Variants in ADGRL2 observed in about 807,000 individuals in gnomAD.
ADGRL2 encodes calcium-independent alpha-latrotoxin receptor 2.
In ADGRL2, 44 loss-of-function variants were observed where a neutral mutation model predicts 157.4. That is an observed-to-expected ratio of 0.28 (90% confidence interval 0.22 to 0.36). The LOEUF (loss-of-function observed/expected upper bound fraction) is 0.36. Among genes scored for constraint, ADGRL2 ranks in the 10% least tolerant of loss-of-function variants. ADGRL2 has a pLI of 1.00. For synonymous variants in ADGRL2, 585 were observed against 624.7 expected (o/e 0.94, Z 0.95); for missense variants, 1,510 against 1,768.9 (o/e 0.85, Z 2.63).
intron 2 of ADGRL2, among the ~76,000 whole-genome samples, chr1:81,552,143 A>G (rs1294364608): frequency 2.0e-5 from 3 of 152,086 alleles, no homozygotes; most frequent in Non-Finnish European, 4.4e-5. Context: ...TCCTCTGTTC[A>G]CTGTTGACTA....
At chr1:81,659,052 ATTTTTTT>A in intron 3 of ADGRL2, among the ~76,000 whole-genome samples, 1 of 60,560 alleles carries the variant, frequency 1.7e-5, no homozygotes, top group South Asian at 6.7e-4. Flanking sequence ...ACACCCAGCA[ATTTTTTT>A]TTTTTTTTTT....
chr1:81,364,120 A>G (rs2076024024), intron 1 of ADGRL2, among the ~76,000 whole-genome samples: 1 of 151,704 alleles, frequency 6.6e-6, no homozygotes. Flanking sequence ...CCTTACCCCC[A>G]CTCTAAAATT....
intron 2 of ADGRL2, among the ~76,000 whole-genome samples, chr1:81,528,661 A>G (rs1381321849): frequency 2.0e-5 from 1 of 49,006 alleles, no homozygotes. Flanking sequence ...AAAAAAAAAA[A>G]AAAAAAAAAA....
intron 2 of ADGRL2, among the ~76,000 whole-genome samples, chr1:81,508,073 T>C (rs925037019): frequency 6.6e-5 from 10 of 152,262 alleles, no homozygotes; most frequent in Admixed American, 5.2e-4. Flanking sequence ...ATGAATTCTA[T>C]CACTCGGCTT....
intron 2 of ADGRL2, among the ~76,000 whole-genome samples, chr1:81,541,378 C>T (rs1031551132): frequency 6.6e-6 from 1 of 151,992 alleles, no homozygotes; most frequent in Non-Finnish European, 1.5e-5. Flanking sequence ...GGAGTAGGTA[C>T]CAGATTGTGC....
chr1:81,398,640 G>A (rs1184886006), intron 1 of ADGRL2, among the ~76,000 whole-genome samples: 1 of 152,004 alleles, frequency 6.6e-6, no homozygotes, highest in African/African-American at 2.4e-5. Flanking sequence ...TCTTTCTGAA[G>A]GGTAGCTTTA....
intron 2 of ADGRL2, among the ~76,000 whole-genome samples, chr1:81,794,705 CATT>C (rs1557657112): frequency 6.6e-6 from 1 of 152,094 alleles, no homozygotes; most frequent in East Asian, 1.9e-4. Flanking sequence ...CCTATTACAT[CATT>C]GTTTGGTCTA....
intron 2 of ADGRL2, among the ~76,000 whole-genome samples, chr1:81,845,467 A>G (rs1339566821): frequency 6.6e-6 from 1 of 152,020 alleles, no homozygotes; most frequent in South Asian, 2.1e-4. Flanking sequence ...AAATCCATGC[A>G]CTTTACCAGC....
chr1:81,483,353 TC>T (rs1164547987), intron 2 of ADGRL2, among the ~76,000 whole-genome samples: 1 of 152,116 alleles, frequency 6.6e-6, no homozygotes, highest in Non-Finnish European at 1.5e-5. Context: ...AATGAAGCAA[TC>T]AAGATGAATG....
intron 2 of ADGRL2, among the ~76,000 whole-genome samples, chr1:81,773,178 A>C (rs576024924): frequency 6.2e-4 from 95 of 152,156 alleles, no homozygotes; most frequent in Non-Finnish European, 6.9e-4. Context: ...TATCCCAAGC[A>C]AGGCTGATTC....
chr1:81,625,790 A>G (rs1006152676), intron 3 of ADGRL2: 3 of 152,234 alleles, frequency 2.0e-5, no homozygotes, highest in Non-Finnish European at 4.4e-5. Flanking sequence ...CAAATAGTCT[A>G]CATTAAAACA....
rs1002776079 is a variant in ADGRL2, at chr1:81,343,353, G to C, written c.-302+36844G>C. Among the ~76,000 whole-genome samples, 19 of 151,714 alleles carry C rather than the reference G, an allele frequency of 1.3e-4. No individual in the cohort carries two copies. In the South Asian group the frequency reaches 3.9e-3, roughly 32 times the overall value. On this transcript the variant is annotated intron_variant, in intron 1 of 24. Transcript: ENST00000370721. ...AATCCCCCTACCTCAGCCTCCCAAA[G>C]TACTGGGATTATAGGCATGAGCCAC...
chr1:81,523,421 A>G (rs921582529), intron 2 of ADGRL2, among the ~76,000 whole-genome samples: 13 of 152,174 alleles, frequency 8.5e-5, no homozygotes, highest in Non-Finnish European at 1.3e-4. Flanking sequence ...GCATGCATAC[A>G]CACACACAGA....
At chr1:81,927,152 A>G (rs1572169249) in intron 3 of ADGRL2, among the ~76,000 whole-genome samples, 1 of 151,876 alleles carries the variant, frequency 6.6e-6, no homozygotes, top group African/African-American at 2.4e-5. Context: ...GTTTTCATTG[A>G]CTGAAAAAAA....
intron 2 of ADGRL2, among the ~76,000 whole-genome samples, chr1:81,895,591 C>T (rs557095809): frequency 2.6e-5 from 4 of 151,878 alleles, no homozygotes; most frequent in African/African-American, 9.7e-5. Flanking sequence ...GACGGGGTTT[C>T]ACCATGTTGG....
chr1:81,678,915 T>C (rs1011924923), intron 3 of ADGRL2, among the ~76,000 whole-genome samples: 8 of 152,208 alleles, frequency 5.3e-5, no homozygotes, highest in African/African-American at 1.9e-4. Context: ...GAATAAATGT[T>C]CCTTGTTGGT....
At chr1:81,310,421 T>C (rs1485259526) in intron 1 of ADGRL2, among the ~76,000 whole-genome samples, 1 of 152,170 alleles carries the variant, frequency 6.6e-6, no homozygotes, top group Non-Finnish European at 1.5e-5. Flanking sequence ...ATATCTAATA[T>C]AAACAAAAAC....
At chr1:81,694,318 G>C (rs1321889382) in intron 3 of ADGRL2, among the ~76,000 whole-genome samples, 1 of 152,130 alleles carries the variant, frequency 6.6e-6, no homozygotes, top group African/African-American at 2.4e-5. Context: ...TGTGATCTTG[G>C]AAAAGTTACT....
chr1:81,889,050 T>C (rs2151384121), intron 2 of ADGRL2, among the ~76,000 whole-genome samples: 1 of 152,294 alleles, frequency 6.6e-6, no homozygotes. Flanking sequence ...GGCCCTTCCC[T>C]GTCTCTCCCC....
Sources: allele counts gnomAD v4.1 joint callset (sites outside exome capture counted in the v4.1 genomes callset), GRCh38; gene constraint gnomAD v4.1.1; transcripts MANE v1.5; gene names NCBI Gene and HGNC (gene_info 2026-07-23, HGNC 2026-07-21).